The following TBC1D9 variants were observed in gnomAD, a reference collection of about 807,000 sequenced individuals.
TBC1D9 encodes the protein TBC1 domain family member 9A.
In TBC1D9, 63 loss-of-function variants were observed where a neutral mutation model predicts 132.0. The ratio of observed to expected loss-of-function variants is 0.48; its 90% confidence interval spans 0.39 to 0.59. The LOEUF is 0.59. TBC1D9 is among the 20% of genes least tolerant of loss of function. The pLI is 0.00. For missense variants in TBC1D9, 1,261 were observed against 1,592.7 expected, an observed-to-expected ratio of 0.79 and a Z score of 3.54; for synonymous variants, 610 against 609.9, an observed-to-expected ratio of 1.00 and a Z score of 0.00.
chr4:140,682,400 G>A (rs796944014), intron 3 of TBC1D9, among the ~76,000 whole-genome samples: 32 of 152,230 alleles, frequency 2.1e-4, no homozygotes, highest in African/African-American at 6.0e-4. Flanking sequence ...ACAAGCAGGC[G>A]TTGGTAGTGT....
chr4:140,659,591 CA>C lies in TBC1D9; in HGVS notation c.1917del (p.Val640TrpfsTer13). On this transcript the variant is annotated frameshift_variant, in exon 11 of 21. Coordinates refer to ENST00000442267, the MANE Select transcript of TBC1D9 (RefSeq NM_015130.3). LOFTEE classifies it high-confidence loss of function. Reference sequence around the variant, plus strand: ...TGTTAAATGCATCTCCACTTACCCACAACTCTGGTGTTGTAGTAATCTGGGA... The same window carrying C: ...TGTTAAATGCATCTCCACTTACCCACACTCTGGTGTTGTAGTAATCTGGGA... ...RMLPDYYNTR[V>X]VGALVDQGVF... The C allele has an allele frequency of 6.3e-7, 1 of 1,587,762 alleles. No individual in the cohort carries two copies. Among genetic ancestry groups the C allele is most frequent in the Non-Finnish European group, 8.6e-7 (1 of 1,166,072 alleles).
chr4:140,640,775 G>A (rs1180590687), intron 13 of TBC1D9, among the ~76,000 whole-genome samples: 1 of 152,082 alleles, frequency 6.6e-6, no homozygotes, highest in Non-Finnish European at 1.5e-5. Context: ...ACTGCTGGTT[G>A]GAGTATCAGT....
intron 18 of TBC1D9, among the ~76,000 whole-genome samples, chr4:140,624,779 G>C (rs749798980): frequency 5.9e-5 from 9 of 152,138 alleles, no homozygotes; most frequent in Non-Finnish European, 1.3e-4. Context: ...GGGTCAAGCA[G>C]CGTGGCTCAT....
At chr4:140,653,660 G>A (rs188005997) in intron 13 of TBC1D9, among the ~76,000 whole-genome samples, 2 of 152,166 alleles carry the variant, frequency 1.3e-5, no homozygotes, top group African/African-American at 4.8e-5. Flanking sequence ...AGAGTTCGTG[G>A]TGTTCTCTTT....
At chr4:140,643,793 G>T in intron 13 of TBC1D9, 1 of 851,590 alleles carries the variant, frequency 1.2e-6, no homozygotes, top group African/African-American at 1.7e-5. Flanking sequence ...GCTCGGTGCA[G>T]CCCTGCCCGG....
At chr4:140,663,918 G>T (rs967575611) in intron 9 of TBC1D9, among the ~76,000 whole-genome samples, 8 of 151,652 alleles carry the variant, frequency 5.3e-5, no homozygotes, top group African/African-American at 1.9e-4. Context: ...TTGGTCAAAG[G>T]GTATAGAGCT....
intron 1 of TBC1D9, among the ~76,000 whole-genome samples, chr4:140,755,590 G>C (rs561158442): frequency 4.5e-4 from 68 of 152,192 alleles, no homozygotes; most frequent in Admixed American, 3.0e-3. Context: ...TATTTTTAAG[G>C]GGGGGAGGGG....
intron 11 of TBC1D9, among the ~76,000 whole-genome samples, chr4:140,658,021 C>T (rs1314687702): frequency 6.6e-6 from 1 of 152,174 alleles, no homozygotes; most frequent in Non-Finnish European, 1.5e-5. Flanking sequence ...TCTTCCTGTC[C>T]TGTTTTCCCT....
At chr4:140,715,330 T>C (rs2111052726) in intron 1 of TBC1D9, among the ~76,000 whole-genome samples, 2 of 152,284 alleles carry the variant, frequency 1.3e-5, no homozygotes, top group Middle Eastern at 6.8e-3. Flanking sequence ...AGGGGTCCAA[T>C]CAATCAGTTG....
intron 11 of TBC1D9, among the ~76,000 whole-genome samples, 167 bp from the exon 12 acceptor site, chr4:140,657,979 A>T (rs1306932636): frequency 6.6e-6 from 1 of 152,212 alleles, no homozygotes; most frequent in Non-Finnish European, 1.5e-5. Context: ...CAGTCACCAG[A>T]TTAGTTCTGG....
chr4:140,683,760 G>T (rs1406982136), intron 3 of TBC1D9, among the ~76,000 whole-genome samples: 3 of 152,218 alleles, frequency 2.0e-5, no homozygotes, highest in Non-Finnish European at 4.4e-5. Flanking sequence ...AGCAAGCAAT[G>T]CTGTAATCAC....
At chr4:140,678,477 G>C (rs1462114482) in intron 5 of TBC1D9, among the ~76,000 whole-genome samples, 1 of 152,118 alleles carries the variant, frequency 6.6e-6, no homozygotes, top group African/African-American at 2.4e-5. Flanking sequence ...CTCATCCCAT[G>C]CCCTGCCACC....
intron 9 of TBC1D9, among the ~76,000 whole-genome samples, chr4:140,668,571 C>T (rs1269804788): frequency 2.0e-5 from 3 of 152,242 alleles, no homozygotes; most frequent in South Asian, 2.1e-4. Context: ...ATGAAGTTGA[C>T]GTAGCTGGGC....
At chr4:140,639,905 GC>G in intron 13 of TBC1D9, among the ~76,000 whole-genome samples, 2 of 152,296 alleles carry the variant, frequency 1.3e-5, no homozygotes, top group Middle Eastern at 6.8e-3. Context: ...GACACTGTGA[GC>G]TAGCCATCTC....
chr4:140,747,344 T>A (rs762523742), intron 1 of TBC1D9, among the ~76,000 whole-genome samples: 6 of 138,166 alleles, frequency 4.3e-5, no homozygotes. Flanking sequence ...AGAGAGAGAC[T>A]CTGTCAAAAA....
chr4:140,676,906 G>A lies in TBC1D9; in HGVS notation c.1047C>T (p.Ile349=). Residue 349 remains isoleucine (I), a synonymous_variant, in exon 6 of 21, where the codon ATC becomes ATT. Coordinates refer to ENST00000442267, the MANE Select transcript of TBC1D9 (RefSeq NM_015130.3). ...ATCAGATACTTACCTCACGGAGCGG[G>A]ATAATGAGGCTACATAAGTTCTCCT... ...SKEENLCSLI[I]PLREVTIVEK... The A allele has an allele frequency of 1.2e-6, 2 of 1,613,938 alleles. No homozygotes were observed. The highest frequency in any genetic ancestry group is 8.5e-7 in the Non-Finnish European group (1 of 1,179,862).
At chr4:140,748,382 A>C (rs1197589342) in intron 1 of TBC1D9, among the ~76,000 whole-genome samples, 1 of 152,174 alleles carries the variant, frequency 6.6e-6, no homozygotes, top group Admixed American at 6.6e-5. Flanking sequence ...TCTAACATAC[A>C]TGTAATTGGA....
At position 140,756,074 on chromosome 4, in the gene TBC1D9, A is replaced by G. The variant is rs1321096761; in HGVS notation, c.-29T>C. 2.5e-6 allele frequency: 4 copies of G among 1,592,532 alleles called. No individual in the cohort carries two copies. Among genetic ancestry groups the G allele is most frequent in the Non-Finnish European group, 2.6e-6 (3 of 1,168,662 alleles). The stretch of plus-strand genomic sequence containing the variant: ...CCTGGCTGCCGCGGGCGGGCGCACA[A>G]TGGGCCCGTGGGTCCAGTCCTGCAC... On this transcript the variant is annotated 5_prime_UTR_variant, in exon 1 of 21. Transcript: ENST00000442267. The surrounding 1 kb of genome is among the most constrained non-coding windows in gnomAD (Gnocchi z 5.6).
In TBC1D9 at chr4:140,676,930, C is replaced by T; in HGVS notation, c.1023G>A (p.Glu341=). 1 of 1,613,968 alleles carries T rather than the reference C, an allele frequency of 6.2e-7. No homozygotes were observed. The highest frequency in any genetic ancestry group is 1.1e-5 in the South Asian group (1 of 91,080). The change falls in exon 6 of 21, where the codon GAG becomes GAA. Residue 341 remains glutamate, a synonymous_variant. Coordinates refer to ENST00000442267, the MANE Select transcript of TBC1D9 (RefSeq NM_015130.3). Reference sequence around the variant, plus strand: ...GGATAATGAGGCTACATAAGTTCTCCTCCTTGCTGGTAAAACAGATGTAAT... The same window carrying T: ...GGATAATGAGGCTACATAAGTTCTCTTCCTTGCTGGTAAAACAGATGTAAT... ...STNYICFTSK[E]ENLCSLIIPL... is the part of the protein sequence containing the mutation.
Sources: gnomAD v4.1 joint callset for allele counts (sites outside exome capture counted in the v4.1 genomes callset) on GRCh38, gnomAD v4.1.1 for gene constraint, Gnocchi (gnomAD v3.1) non-coding constraint, MANE v1.5 for transcripts, NCBI Gene and HGNC (gene_info 2026-07-23, HGNC 2026-07-21) for gene names.